HMCN1: variants seen among roughly 807,000 people sequenced by gnomAD.
The protein encoded by HMCN1 is hemicentin-1.
HMCN1 carries 321 observed loss-of-function variants against 625.9 expected under a neutral mutation model. The observed-to-expected ratio is 0.51, with a 90% CI of 0.47 to 0.56. The LOEUF (loss-of-function observed/expected upper bound fraction) is 0.56, where lower values mean the gene tolerates loss of function less well. Ranked by LOEUF, HMCN1 falls within the 20% of genes least tolerant of loss-of-function variation. The pLI is 0.00. For synonymous variants in HMCN1, 2,425 were observed against 2,417.6 expected (o/e 1.00, Z -0.09); for missense variants, 6,588 against 6,887.3 (o/e 0.96, Z 1.54).
intron 97 of HMCN1, among the ~76,000 whole-genome samples, chr1:186,156,673 C>A (rs1651042746): frequency 6.6e-6 from 1 of 151,830 alleles, no homozygotes; most frequent in South Asian, 2.1e-4. Flanking sequence ...ACAGAAATAG[C>A]CAAAGATGAA....
At chr1:186,171,692 CATATAA>C (rs1246183936) in intron 101 of HMCN1, among the ~76,000 whole-genome samples, 4 of 151,900 alleles carry the variant, frequency 2.6e-5, no homozygotes, top group African/African-American at 4.8e-5. Flanking sequence ...TATATCTATA[CATATAA>C]ATATATGTAT....
chr1:185,790,602 G>C (rs1388623829), intron 1 of HMCN1, among the ~76,000 whole-genome samples: 1 of 152,226 alleles, frequency 6.6e-6, no homozygotes, highest in Non-Finnish European at 1.5e-5. Context: ...ACATGGCCTA[G>C]AGCAGTGTTT....
intron 89 of HMCN1, among the ~76,000 whole-genome samples, chr1:186,141,737 C>T (rs1649976687): frequency 6.6e-6 from 1 of 152,290 alleles, no homozygotes; most frequent in East Asian, 1.9e-4. Flanking sequence ...CATTACTGCT[C>T]ACCTCAACTC....
chr1:186,059,595 A>G lies in HMCN1; in HGVS notation c.7312+2194A>G, dbSNP rs368561870. 1.5e-3 allele frequency among the ~76,000 whole-genome samples: 223 copies of G among 152,196 alleles called. 1 individual carries two copies. In the Middle Eastern group the frequency reaches 0.017, roughly 12 times the overall value. ...CAGTCTGAACATGTTGTGTTGTGCAATAGGTAAATGAGAATCGAATGGCAT... is the reference window on the plus strand; with the variant it reads ...CAGTCTGAACATGTTGTGTTGTGCAGTAGGTAAATGAGAATCGAATGGCAT... On this transcript the variant is annotated intron_variant, in intron 46 of 106. Coordinates refer to ENST00000271588, the MANE Select transcript of HMCN1 (RefSeq NM_031935.3).
intron 4 of HMCN1, among the ~76,000 whole-genome samples, chr1:185,887,401 C>T (rs1664733191): frequency 6.6e-6 from 1 of 151,304 alleles, no homozygotes. Context: ...TGGTGTGCTG[C>T]ACCCACTAAC....
rs1218795451 is a variant in HMCN1, at chr1:185,867,923, G to T, written c.621+2060G>T. Among the ~76,000 whole-genome samples the T allele has an allele frequency of 1.3e-5, 2 of 151,988 alleles. 1 individual carries two copies. The highest frequency in any genetic ancestry group is 4.2e-4 in the South Asian group (2 of 4,808). On this transcript the variant is annotated intron_variant, in intron 4 of 106. Transcript: ENST00000271588. ...GTCTCTACTAAAAATACAAAAATTA[G>T]TTGGGCATGGTGGCACGTACCCATA...
chr1:186,002,445 T>C (rs566864839), intron 28 of HMCN1, among the ~76,000 whole-genome samples: 4 of 152,244 alleles, frequency 2.6e-5, no homozygotes, highest in Admixed American at 2.0e-4. Context: ...AAAAATTATA[T>C]TCATAAACTG....
chr1:185,783,201 T>A (rs1265736153), intron 1 of HMCN1, among the ~76,000 whole-genome samples: 1 of 152,208 alleles, frequency 6.6e-6, no homozygotes, highest in Non-Finnish European at 1.5e-5. Context: ...CTCCATCAGG[T>A]CATTTAAGGA....
chr1:185,795,047 C>A (rs1364060303), intron 1 of HMCN1, among the ~76,000 whole-genome samples: 1 of 152,166 alleles, frequency 6.6e-6, no homozygotes, highest in Non-Finnish European at 1.5e-5. Context: ...ATTGAAGGAA[C>A]TATGCATGTA....
Position 186,074,789 on chromosome 1 carries a change from C to T in HMCN1, c.8188C>T (p.Leu2730Phe), listed in dbSNP as rs1217879492. Residue 2730 changes from leucine to phenylalanine, a missense_variant, in exon 53 of 107, where the codon CTT (leucine) becomes TTT (phenylalanine). Transcript: ENST00000271588. ...TAATATTGCTGCGAATGGACACACA[C>T]TTCAAATAAAGGAGGCTCAAATATC... ...HVNIAANGHT[L>F]QIKEAQISDT... The T allele has an allele frequency of 6.2e-7, 1 of 1,612,786 alleles. No individual in the cohort carries two copies. The highest frequency in any genetic ancestry group is 1.3e-5 in the African/African-American group (1 of 74,834).
At chr1:186,053,313 A>C (rs1657093609) in intron 43 of HMCN1, among the ~76,000 whole-genome samples, 1 of 152,010 alleles carries the variant, frequency 6.6e-6, no homozygotes, top group Non-Finnish European at 1.5e-5. Flanking sequence ...TTCTGCATTA[A>C]TTGATTATTT....
chr1:186,131,286 G>A (rs1221903221), intron 85 of HMCN1, among the ~76,000 whole-genome samples: 1 of 151,984 alleles, frequency 6.6e-6, no homozygotes. Flanking sequence ...TAGTCTTTTA[G>A]TCTCATTGAT....
chr1:186,001,201 A>G (rs1258985395), intron 26 of HMCN1, 97 bp from the exon 27 acceptor site: 7 of 1,066,728 alleles, frequency 6.6e-6, no homozygotes, highest in Non-Finnish European at 9.8e-6. Flanking sequence ...TAGCCATCAA[A>G]TATTTCAGAA....
chr1:185,898,333 G>C (rs1205856091), intron 4 of HMCN1, among the ~76,000 whole-genome samples: 3 of 152,160 alleles, frequency 2.0e-5, no homozygotes, highest in African/African-American at 7.2e-5. Context: ...TCAGGAAGTT[G>C]AGAGAGAGTC....
At chr1:185,755,708 AG>A (rs1160396629) in intron 1 of HMCN1, among the ~76,000 whole-genome samples, 1 of 152,168 alleles carries the variant, frequency 6.6e-6, no homozygotes, top group Admixed American at 6.5e-5. Context: ...GTGACAGACC[AG>A]GGCAGCCATA....
intron 72 of HMCN1, 51 bp from the exon 73 acceptor site, chr1:186,113,928 G>A (rs1274724838): frequency 6.3e-7 from 1 of 1,595,682 alleles, no homozygotes; most frequent in East Asian, 2.2e-5. Flanking sequence ...TCTTCATGCA[G>A]GCTGTATTAT....
rs1040212385 is a variant in HMCN1, at chr1:186,107,115, T to C, written c.10852+150T>C. Reference sequence around the variant, plus strand: ...ATCTTTTTTTTTTTGAGACGGAGTCTCGCTTTGTCGCCCAGGCTGGAGTGC... The same window carrying C: ...ATCTTTTTTTTTTTGAGACGGAGTCCCGCTTTGTCGCCCAGGCTGGAGTGC... On this transcript the variant is annotated intron_variant, in intron 70 of 106. Transcript: ENST00000271588. 17 of 643,130 alleles carry C rather than the reference T, an allele frequency of 2.6e-5. No homozygotes were observed. The African/African-American group carries it at 2.9e-4, about 11-fold the overall frequency. 39.8% of individuals were successfully genotyped at this position (643,130 alleles called of 1,614,324 possible).
intron 1 of HMCN1, among the ~76,000 whole-genome samples, chr1:185,804,216 A>G (rs958485198): frequency 2.0e-5 from 3 of 152,092 alleles, no homozygotes; most frequent in Non-Finnish European, 4.4e-5. Flanking sequence ...AACAAATTGC[A>G]AAGTTAATAA....
intron 40 of HMCN1, among the ~76,000 whole-genome samples, chr1:186,041,737 A>G (rs765876581): frequency 6.6e-6 from 1 of 152,100 alleles, no homozygotes; most frequent in Non-Finnish European, 1.5e-5. Flanking sequence ...TTCAGCCCAC[A>G]TTCCAGTATA....
Sources: allele counts gnomAD v4.1 joint callset (sites outside exome capture counted in the v4.1 genomes callset), GRCh38; gene constraint gnomAD v4.1.1; transcripts MANE v1.5; gene names NCBI Gene and HGNC (gene_info 2026-07-23, HGNC 2026-07-21).